The following IL5RA variants were observed in gnomAD, a reference collection of about 807,000 sequenced individuals.
The protein encoded by IL5RA is interleukin-5 receptor subunit alpha.
A neutral mutation model predicts 50.0 loss-of-function variants in IL5RA; 49 were observed. The ratio of observed to expected loss-of-function variants is 0.98; its 90% CI spans 0.78 to 1.24. The LOEUF is 1.24. Ranked by LOEUF, IL5RA falls within the 50% of genes most tolerant of loss-of-function variation. The pLI is 0.00. For missense variants in IL5RA, 600 were observed against 500.4 expected (o/e 1.20, Z -1.90); for synonymous variants, 202 against 174.0 (o/e 1.16, Z -1.26).
chr3:3,075,927 A>G (rs1702466329), intron 10 of IL5RA, among the ~76,000 whole-genome samples: 1 of 152,176 alleles, frequency 6.6e-6, no homozygotes, highest in African/African-American at 2.4e-5. Flanking sequence ...CTAAATTATG[A>G]AAGGGCCAAG....
intron 10 of IL5RA, among the ~76,000 whole-genome samples, chr3:3,075,853 GC>G (rs1222162553): frequency 6.6e-6 from 1 of 152,128 alleles, no homozygotes. Context: ...ACCCGCTGTG[GC>G]CTCCCAAAGT....
At chr3:3,098,657 AG>A (rs928733010) in intron 5 of IL5RA, among the ~76,000 whole-genome samples, 3 of 152,300 alleles carry the variant, frequency 2.0e-5, no homozygotes, top group Admixed American at 6.5e-5. Context: ...ATCCACCCAC[AG>A]CCTCCTAAAG....
chr3:3,100,545 T>C (rs1294918771), intron 5 of IL5RA, among the ~76,000 whole-genome samples: 1 of 152,240 alleles, frequency 6.6e-6, no homozygotes, highest in Non-Finnish European at 1.5e-5. Flanking sequence ...TCCTGACAAC[T>C]CTTTGTCTTA....
At chr3:3,076,133 T>A (rs1250361978) in intron 10 of IL5RA, among the ~76,000 whole-genome samples, 2 of 152,134 alleles carry the variant, frequency 1.3e-5, no homozygotes, top group Non-Finnish European at 2.9e-5. Context: ...GATGATGACA[T>A]GCAGGCATTG....
At chr3:3,081,979 G>T (rs1702680417) in intron 9 of IL5RA, among the ~76,000 whole-genome samples, 1 of 152,092 alleles carries the variant, frequency 6.6e-6, no homozygotes, top group South Asian at 2.1e-4. Context: ...ACATAAATTG[G>T]CAGGAAAATT....
In IL5RA at chr3:3,101,667, C is replaced by A. The variant is rs374414218; in HGVS notation, c.367+25G>T. 745 of 1,604,416 alleles carry A rather than the reference C, an allele frequency of 4.6e-4. 2 individuals are homozygous for A. Among genetic ancestry groups the A allele is most frequent in the African/African-American group, 2.7e-3 (200 of 74,464 alleles). On this transcript the variant is annotated intron_variant, in intron 5 of 11. Coordinates refer to ENST00000446632, the MANE Select transcript of IL5RA (RefSeq NM_175726.4). ...ATTTGCAAAGTCCAAAACATACAAA[C>A]TGGACTTTTGGAGGCCTGCTTTACC...
rs1559875281 is a variant in IL5RA at position 3,098,007 on chromosome 3, C to T, written c.572G>A (p.Gly191Glu). Reference protein sequence around the residue: ...ECQEYSKDTLGRNIACWFPRT... With the variant: ...ECQEYSKDTLERNIACWFPRT... ...GGGAAACCAGCATGCGATATTTCTC[C>T]CCAGTGTGTCTTTGCTGTATTCTTG... Residue 191 changes from glycine to glutamate, a missense_variant, in exon 7 of 12, where the codon GGG becomes GAG. By Grantham distance (98) the Gly-to-Glu change is moderately conservative. Coordinates refer to ENST00000446632, the MANE Select transcript of IL5RA (RefSeq NM_175726.4). 6 of 1,614,036 alleles carry T rather than the reference C, an allele frequency of 3.7e-6. No homozygotes were observed. In the East Asian group the frequency reaches 1.3e-4, roughly 36 times the overall value.
At chr3:3,078,197 A>G (rs1203671415) in intron 9 of IL5RA, among the ~76,000 whole-genome samples, 3 of 152,236 alleles carry the variant, frequency 2.0e-5, no homozygotes, top group African/African-American at 7.2e-5. Context: ...TGCTTCCTCT[A>G]GAAAAGAAGA....
In IL5RA at chr3:3,082,897, A is replaced by G. The variant is rs372573860; in HGVS notation, c.995-6270T>C. Among the ~76,000 whole-genome samples the G allele has an allele frequency of 4.2e-4, 64 of 152,344 alleles. 3 individuals are homozygous for G. In the South Asian group the frequency reaches 9.7e-3, roughly 23 times the overall value. On this transcript the variant is annotated intron_variant, in intron 9 of 11. Transcript: ENST00000446632. ...GTAAGTATGAACTTTCAGTGCTTAC[A>G]TATTGATTTTGAATCTGATTTCAGA...
At chr3:3,084,005 T>C (rs966842156) in intron 9 of IL5RA, among the ~76,000 whole-genome samples, 1 of 151,002 alleles carries the variant, frequency 6.6e-6, no homozygotes. Context: ...GCTGAGATCA[T>C]TGTGTGACTG....
intron 3 of IL5RA, among the ~76,000 whole-genome samples, chr3:3,104,591 G>A (rs1703813669): frequency 8.8e-6 from 1 of 114,268 alleles, no homozygotes; most frequent in Non-Finnish European, 2.1e-5. Context: ...TTGGTCATGG[G>A]GCCTTCTAAC....
intron 5 of IL5RA, among the ~76,000 whole-genome samples, chr3:3,099,565 G>A (rs570752338): frequency 6.6e-6 from 1 of 152,110 alleles, no homozygotes; most frequent in South Asian, 2.1e-4. Context: ...GGAGGTCGAG[G>A]CTGCAATGAA....
chr3:3,083,875 T>A (rs1204287975), intron 9 of IL5RA, among the ~76,000 whole-genome samples: 1 of 151,898 alleles, frequency 6.6e-6, no homozygotes, highest in South Asian at 2.1e-4. Flanking sequence ...ATGGTGAAAA[T>A]GCTGTCTCTA....
chr3:3,092,306 G>C lies in IL5RA; in HGVS notation c.912C>G (p.Tyr304Ter). 1 of 1,613,876 alleles carries C rather than the reference G, an allele frequency of 6.2e-7. No individual in the cohort carries two copies. The highest frequency in any genetic ancestry group is 8.5e-7 in the Non-Finnish European group (1 of 1,179,894). The change falls in exon 9 of 12, where the codon TAC becomes TAG. Residue 304 changes from tyrosine to a stop codon, truncating the protein, a stop_gained. Coordinates refer to ENST00000446632, the MANE Select transcript of IL5RA (RefSeq NM_175726.4). LOFTEE classifies it high-confidence loss of function. This position sits in a 1 kb window ranked among gnomAD's most constrained non-coding sequence, Gnocchi z 4.2. ...FISIIDDLSK[Y>*]DVQVRAAVSS... The stretch of plus-strand genomic sequence containing the variant: ...TCACTGCTGCTCTCACTTGAACATC[G>C]TACTTAGAAAGATCATCAATTATTG...
chr3:3,098,818 G>T lies in IL5RA; in HGVS notation c.368-528C>A, dbSNP rs1404166301. Among the ~76,000 whole-genome samples the T allele has an allele frequency of 2.0e-5, 3 of 152,318 alleles. No individual in the cohort carries two copies. The South Asian group carries it at 6.2e-4, about 32-fold the overall frequency. On this transcript the variant is annotated intron_variant, in intron 5 of 11. Coordinates refer to ENST00000446632, the MANE Select transcript of IL5RA (RefSeq NM_175726.4). ...TATTCGAGAGCTTCCCAGCTATTTT[G>T]TTTGGGGCCTGGGGGTGGTGTTTGT...
rs759123797 is a variant in IL5RA at position 3,075,604 on chromosome 3, C to CT, written c.1092-739dup. On this transcript the variant is annotated intron_variant, in intron 10 of 11. Transcript: ENST00000446632. ...TAGTAAAGCTGTTTAATAGAAAAGT[C>CT]TTTTTTTTTTTTTTGAGACACAGTC... Among the ~76,000 whole-genome samples the CT allele has an allele frequency of 3.1e-3, 425 of 135,352 alleles. 1 individual carries two copies. The highest frequency in any genetic ancestry group is 5.3e-3 in the African/African-American group (194 of 36,890). The allele number at this position is 135,352 out of a possible 152,430, so 88.8% of individuals were successfully genotyped here.
chr3:3,104,944 G>A lies in IL5RA; in HGVS notation c.41C>T (p.Ala14Val). ...VAHVLLILLG[A>V]TEILQADLLP... ...TAAGTCAGCTTGCAGTATCTCAGTG[G>A]CCCCCAAAAGGATGAGTAATACATG... Residue 14 changes from alanine (A) to valine (V), a missense_variant, in exon 3 of 12, where the codon GCC (alanine) becomes GTC (valine). Ala to Val is a moderately conservative substitution (Grantham distance 64, BLOSUM62 0). Coordinates refer to ENST00000446632, the MANE Select transcript of IL5RA (RefSeq NM_175726.4). 2.5e-6 allele frequency: 4 copies of A among 1,612,716 alleles called. No individual in the cohort carries two copies. Among genetic ancestry groups the A allele is most frequent in the Non-Finnish European group, 3.4e-6 (4 of 1,178,990 alleles).
At chr3:3,091,569 T>C (rs1240766238) in intron 9 of IL5RA, among the ~76,000 whole-genome samples, 3 of 152,018 alleles carry the variant, frequency 2.0e-5, no homozygotes, top group Non-Finnish European at 4.4e-5. Context: ...CTGTCTCTAC[T>C]AAAAATACAA....
chr3:3,090,561 C>CT (rs1703045690), intron 9 of IL5RA, among the ~76,000 whole-genome samples: 1 of 117,300 alleles, frequency 8.5e-6, no homozygotes. Flanking sequence ...TTTTTTTTTT[C>CT]TTTTCTTTCT....
Sources: allele counts gnomAD v4.1 joint callset (sites outside exome capture counted in the v4.1 genomes callset), GRCh38; gene constraint gnomAD v4.1.1; non-coding constraint Gnocchi (gnomAD v3.1); transcripts MANE v1.5; gene names NCBI Gene and HGNC (gene_info 2026-07-23, HGNC 2026-07-21).